UVSSA: variants seen among roughly 807,000 people sequenced by gnomAD.
UVSSA encodes the protein UV-stimulated scaffold protein A.
Under a neutral mutation model 73.9 loss-of-function variants are expected in UVSSA, and 72 were observed. The observed-to-expected ratio is 0.97, with a 90% CI of 0.81 to 1.19. The LOEUF is 1.19. Ranked by LOEUF, UVSSA falls within the 50% of genes most tolerant of loss-of-function variation. UVSSA has a pLI of 0.00. For missense variants in UVSSA, 1,150 were observed against 965.0 expected (o/e 1.19, Z -2.54); for synonymous variants, 454 against 391.3 (o/e 1.16, Z -1.89).
intron 2 of UVSSA, 130 bp downstream of exon 2, chr4:1,348,319 C>T (rs758964095): frequency 7.5e-5 from 52 of 696,560 alleles, no homozygotes; most frequent in Non-Finnish European, 1.1e-4. Context: ...TTTCTCGGGG[C>T]CCTGCAGTAC....
chr4:1,383,690 C>G, intron 12 of UVSSA, 76 bp from the exon 13 acceptor site: 1 of 1,579,678 alleles, frequency 6.3e-7, no homozygotes. Context: ...AGACCAAGAG[C>G]CCCTCCTGGG....
Position 1,366,369 on chromosome 4 carries a change from TG to T in UVSSA, c.1228del (p.Glu410ArgfsTer174), listed in dbSNP as rs1355746744. The T allele has an allele frequency of 1.2e-6, 2 of 1,613,452 alleles. No homozygotes were observed. The highest frequency in any genetic ancestry group is 1.7e-6 in the Non-Finnish European group (2 of 1,179,678). ...AEEDEDDEDF[V>X]EVPEKEGYEP... The stretch of plus-strand genomic sequence containing the variant: ...GAAGATGAGGACGATGAGGACTTTG[TG>T]GAGGTCCCTGAGAAGGAGGGGTATG... On this transcript the variant is annotated frameshift_variant, in exon 8 of 14. Transcript: ENST00000389851. LOFTEE classifies it high-confidence loss of function.
chr4:1,348,240 A>G (rs1714033948), intron 2 of UVSSA, 51 bp downstream of exon 2: 1 of 1,428,172 alleles, frequency 7.0e-7, no homozygotes, highest in Non-Finnish European at 9.9e-7. Flanking sequence ...TGAGCCCAGG[A>G]CACACACAGG....
downstream of UVSSA, chr4:1,388,108 G>T (rs1720277578): frequency 8.6e-5 from 13 of 151,944 alleles, no homozygotes. Flanking sequence ...ACAGTATTTT[G>T]TAGTTTTCAG....
Position 1,376,846 on chromosome 4 carries a change from AGAGGG to A in UVSSA, c.1568+679_1568+683del, listed in dbSNP as rs150536493. 3.9e-3 allele frequency among the ~76,000 whole-genome samples: 586 copies of A among 152,128 alleles called. 1 individual carries two copies. The highest frequency in any genetic ancestry group is 0.013 in the African/African-American group (546 of 41,492). ...CGCAGGACGGTTCTCCACACCCGGG[AGAGGG>A]TGGGGAGGACAGTGCCAAGGCTGTG... On this transcript the variant is annotated intron_variant, in intron 10 of 13. Coordinates refer to ENST00000389851, the MANE Select transcript of UVSSA (RefSeq NM_020894.4).
downstream of UVSSA, chr4:1,390,123 C>G (rs1279453191): frequency 6.6e-6 from 1 of 152,130 alleles, no homozygotes; most frequent in Non-Finnish European, 1.5e-5. Flanking sequence ...ATTTTTATCT[C>G]AGCACTGATT....
chr4:1,381,601 C>T (rs1205139196), intron 12 of UVSSA, among the ~76,000 whole-genome samples: 7 of 152,222 alleles, frequency 4.6e-5, no homozygotes, highest in African/African-American at 1.7e-4. Flanking sequence ...TCTGCCCACC[C>T]TGCATATCTG....
chr4:1,394,689 C>T, exon 14 of UVSSA: 4 of 1,578,800 alleles, frequency 2.5e-6, no homozygotes, highest in Non-Finnish European at 3.4e-6. Context: ...CACACGTGCC[C>T]ATGTGGAGTG....
In UVSSA at chr4:1,353,109, G is replaced by A. The variant is rs147131553; in HGVS notation, c.630G>A (p.Pro210=). ...FRLLVPFDFD[P]NPETESLGMA... is the part of the protein sequence containing the mutation. Reference sequence around the variant, plus strand: ...TGCTGGTGCCTTTTGACTTTGACCCGAACCCGGAGACGGAATCCCTTGGCA... The same window carrying A: ...TGCTGGTGCCTTTTGACTTTGACCCAAACCCGGAGACGGAATCCCTTGGCA... Residue 210 remains proline (P), a synonymous_variant, in exon 5 of 14, where the codon CCG becomes CCA. Transcript: ENST00000389851. The A allele has an allele frequency of 2.2e-5, 35 of 1,613,056 alleles. No homozygotes were observed. Among genetic ancestry groups the A allele is most frequent in the African/African-American group, 1.1e-4 (8 of 75,064 alleles).
chr4:1,360,059 C>T (rs918204161), intron 7 of UVSSA, among the ~76,000 whole-genome samples: 4 of 152,260 alleles, frequency 2.6e-5, no homozygotes, highest in African/African-American at 7.2e-5. Context: ...TAAATCAGCG[C>T]TGCTGGGAAA....
At chr4:1,342,065 A>AT (rs1206444195), upstream of UVSSA, among the ~76,000 whole-genome samples, 1 of 152,204 alleles carries the variant, frequency 6.6e-6, no homozygotes, top group East Asian at 1.9e-4. Flanking sequence ...TCTTATGAAC[A>AT]TTTGTGTGCC....
intron 7 of UVSSA, among the ~76,000 whole-genome samples, chr4:1,361,637 G>A (rs1008381273): frequency 4.6e-5 from 7 of 152,236 alleles, no homozygotes; most frequent in African/African-American, 7.2e-5. Context: ...CCTGGCAGCC[G>A]GAGATGCACA....
Position 1,395,390 on chromosome 4 carries a change from A to C in UVSSA, c.*9429A>C. 2.0e-6 allele frequency: 3 copies of C among 1,526,186 alleles called. 1 individual carries two copies. Among genetic ancestry groups the C allele is most frequent in the Non-Finnish European group, 2.6e-6 (3 of 1,135,116 alleles). 94.5% of individuals were successfully genotyped at this position (1,526,186 alleles called of 1,614,324 possible). A position where few individuals can be genotyped will look rare whatever the true frequency, so the allele number is the denominator to read the frequency against. ...CGATGTGGAGTGCCCGCCTGCTCAC[A>C]CGTGCCCATGTGGAGTGCCCGCCTG... On this transcript the variant is annotated 3_prime_UTR_variant, in exon 14 of 14. Coordinates refer to the UVSSA transcript ENST00000511216.
chr4:1,354,583 C>T (rs1245856510), intron 5 of UVSSA, 152 bp from the exon 6 acceptor site: 7 of 633,830 alleles, frequency 1.1e-5, no homozygotes, highest in East Asian at 5.5e-5. Flanking sequence ...TTCCTTCTCA[C>T]AGCATCAGGT....
In UVSSA at chr4:1,386,017, G is replaced by C; in HGVS notation, c.*56G>C. ...ACTTTCTCCCTCTGCCAGTGTCTCA[G>C]GACAGCAGAGTGGGCGTGGGTCTGG... is the stretch of plus-strand genomic sequence containing the variant. On this transcript the variant is annotated 3_prime_UTR_variant, in exon 14 of 14. Coordinates refer to ENST00000389851, the MANE Select transcript of UVSSA (RefSeq NM_020894.4). 6.4e-7 allele frequency: 1 copy of C among 1,572,210 alleles called. No individual in the cohort carries two copies. The highest frequency in any genetic ancestry group is 8.8e-7 in the Non-Finnish European group (1 of 1,142,476).
exon 14 of UVSSA, chr4:1,395,587 T>G: frequency 2.5e-6 from 4 of 1,589,310 alleles, no homozygotes; most frequent in Non-Finnish European, 3.4e-6. Flanking sequence ...CGTGCCCATG[T>G]GGAGTGCCCG....
chr4:1,367,466 C>T (rs1717484541), intron 8 of UVSSA, among the ~76,000 whole-genome samples: 1 of 152,138 alleles, frequency 6.6e-6, no homozygotes, highest in Non-Finnish European at 1.5e-5. Context: ...AAGATATGAC[C>T]CATTAAGGGT....
intron 2 of UVSSA, 52 bp from the exon 3 acceptor site, chr4:1,349,472 C>G (rs376857720): frequency 1.3e-6 from 2 of 1,556,316 alleles, no homozygotes; most frequent in Non-Finnish European, 1.8e-6. Context: ...AGTCTCCCCC[C>G]GCCCATCCTC....
exon 14 of UVSSA, chr4:1,395,604 C>T: frequency 1.3e-6 from 2 of 1,569,002 alleles, no homozygotes; most frequent in Non-Finnish European, 1.7e-6. Flanking sequence ...CCCGCCTGCT[C>T]ACACACGTGC....
Sources: gnomAD v4.1 joint callset for allele counts (sites outside exome capture counted in the v4.1 genomes callset) on GRCh38, gnomAD v4.1.1 for gene constraint, MANE v1.5 for transcripts, NCBI Gene and HGNC (gene_info 2026-07-23, HGNC 2026-07-21) for gene names.